XRCC1: variants seen among roughly 807,000 people sequenced by gnomAD.
The protein encoded by XRCC1 is X-ray repair cross complementing 1, also known as DNA repair protein XRCC1.
A neutral mutation model predicts 83.3 loss-of-function variants in XRCC1; 52 were observed. The observed-to-expected ratio is 0.62, with a 90% CI of 0.50 to 0.79. XRCC1 has a LOEUF of 0.79. Ranked by LOEUF, XRCC1 falls within the 30% of genes least tolerant of loss-of-function variation. XRCC1 has a pLI of 0.00. For missense variants in XRCC1, 793 were observed against 823.5 expected (o/e 0.96, Z 0.45); for synonymous variants, 281 against 312.6 (o/e 0.90, Z 1.07).
In XRCC1 at chr19:43,552,182, G is replaced by C. The variant is rs368291115; in HGVS notation, c.917C>G (p.Pro306Arg). ...TGKPRGEGTE[P>R]RRPRAGPEEL... The stretch of plus-strand genomic sequence containing the variant: ...CTCTGGGCCAGCTCGGGGTCGTCTG[G>C]GCTCGGTGCCTTCTCCTCGGGGTTT... Residue 306 changes from proline to arginine, a missense_variant, in exon 9 of 17, where the codon CCC (proline) becomes CGC (arginine). Transcript: ENST00000262887. 1 of 1,614,068 alleles carries C rather than the reference G, an allele frequency of 6.2e-7. No homozygotes were observed. The highest frequency in any genetic ancestry group is 1.1e-5 in the South Asian group (1 of 91,090).
At chr19:43,569,683 G>T (rs570665371) in intron 2 of XRCC1, among the ~76,000 whole-genome samples, 126 of 152,206 alleles carry the variant, frequency 8.3e-4, no homozygotes, top group African/African-American at 3.0e-3. Context: ...TTGGGAGGCT[G>T]AGGCAAGAGA....
At chr19:43,575,343 T>C in intron 1 of XRCC1, 65 bp downstream of exon 1, 1 of 1,501,228 alleles carries the variant, frequency 6.7e-7, no homozygotes, top group Non-Finnish European at 9.0e-7. Context: ...CCCCAAAAGC[T>C]CTTTTAAGAG....
Position 43,546,122 on chromosome 19 carries a change from C to G in XRCC1, c.1427-16G>C, listed in dbSNP as rs1972506848. On this transcript the variant is annotated splice_polypyrimidine_tract_variant and intron_variant, in intron 12 of 16. Transcript: ENST00000262887. The stretch of plus-strand genomic sequence containing the variant: ...TCCTGTCCTTCTGCAAGTAGAAGCT[C>G]AGTCAATGCAAGGCTGCCTTGTCTC... The G allele has an allele frequency of 6.2e-7, 1 of 1,613,854 alleles. No homozygotes were observed.
chr19:43,566,780 G>T (rs1412809325), intron 2 of XRCC1, among the ~76,000 whole-genome samples: 1 of 149,410 alleles, frequency 6.7e-6, no homozygotes, highest in African/African-American at 2.5e-5. Flanking sequence ...TCAGGAGACT[G>T]AGGCACGAGA....
At chr19:43,575,266 T>A (rs966184849) in intron 1 of XRCC1, 142 bp downstream of exon 1, 1 of 1,004,982 alleles carries the variant, frequency 1.0e-6, no homozygotes, top group Non-Finnish European at 1.4e-6. Flanking sequence ...TAATTCAACA[T>A]CTCTCCACAA....
chr19:43,574,665 C>G (rs1028840887), intron 2 of XRCC1: 19 of 482,322 alleles, frequency 3.9e-5, no homozygotes, highest in Non-Finnish European at 6.4e-5. Context: ...GAAACTGGAA[C>G]CCAGAAAGTA....
At chr19:43,562,102 T>C (rs1972704976) in intron 2 of XRCC1, among the ~76,000 whole-genome samples, 1 of 141,502 alleles carries the variant, frequency 7.1e-6, no homozygotes, top group African/African-American at 2.7e-5. Flanking sequence ...GCAGAGATCA[T>C]GCCACTGCAC....
At chr19:43,549,692 G>A (rs970605316) in intron 10 of XRCC1, among the ~76,000 whole-genome samples, 1 of 152,044 alleles carries the variant, frequency 6.6e-6, no homozygotes, top group Admixed American at 6.6e-5. Flanking sequence ...AAGTATCTAC[G>A]ACTACAGGTA....
chr19:43,552,267 G>C lies in XRCC1; in HGVS notation c.832C>G (p.Pro278Ala). 6.2e-7 allele frequency: 1 copy of C among 1,602,402 alleles called. No individual in the cohort carries two copies. Among genetic ancestry groups the C allele is most frequent in the Non-Finnish European group, 8.5e-7 (1 of 1,175,342 alleles). ...SVPKRPKLPA[P>A]TRTPATAPVP... Reference sequence around the variant, plus strand: ...GGGGCTGTGGCTGGGGTACGAGTTGGAGCTGGCACTGGAGAAGACAAAGAG... The same window carrying C: ...GGGGCTGTGGCTGGGGTACGAGTTGCAGCTGGCACTGGAGAAGACAAAGAG... Residue 278 changes from proline to alanine, a missense_variant, in exon 9 of 17, where the codon CCA becomes GCA. Physicochemically the swap from Pro to Ala is conservative, Grantham distance 27. Transcript: ENST00000262887.
At chr19:43,548,779 A>AAAAC (rs1972546335) in intron 10 of XRCC1, among the ~76,000 whole-genome samples, 1 of 141,740 alleles carries the variant, frequency 7.1e-6, no homozygotes, top group South Asian at 2.4e-4. Flanking sequence ...AAAAAAAAAA[A>AAAAC]AAAAAAACAC....
chr19:43,567,614 A>C (rs1436514372), intron 2 of XRCC1, among the ~76,000 whole-genome samples: 1 of 152,006 alleles, frequency 6.6e-6, no homozygotes, highest in Non-Finnish European at 1.5e-5. Flanking sequence ...ATCTGGCTGA[A>C]ATGTGCACTT....
At chr19:43,548,417 G>T (rs1338442466) in intron 10 of XRCC1, among the ~76,000 whole-genome samples, 1 of 152,240 alleles carries the variant, frequency 6.6e-6, no homozygotes, top group Non-Finnish European at 1.5e-5. Flanking sequence ...ACTTCATTTT[G>T]TTCTGTACTA....
At position 43,561,017 on chromosome 19, in the gene XRCC1, C is replaced by G. The variant is rs1972693625; in HGVS notation, c.148G>C (p.Glu50Gln). 4 of 1,613,652 alleles carry G rather than the reference C, an allele frequency of 2.5e-6. No homozygotes were observed. In the South Asian group the frequency reaches 4.4e-5, roughly 18 times the overall value. ...EKTISVVLQL[E>Q]KEEQIHSVDI... ...ACACTGTGTATCTGCTCCTCCTTCTCCAACTGTGGGCAGAGAGAGAGGCCA... is the reference window on the plus strand; with the variant it reads ...ACACTGTGTATCTGCTCCTCCTTCTGCAACTGTGGGCAGAGAGAGAGGCCA... Residue 50 changes from glutamate to glutamine, a missense_variant, in exon 3 of 17, where the codon GAG (glutamate) becomes CAG (glutamine). Coordinates refer to ENST00000262887, the MANE Select transcript of XRCC1 (RefSeq NM_006297.3).
chr19:43,561,744 G>A (rs536983578), intron 2 of XRCC1, among the ~76,000 whole-genome samples: 1 of 152,222 alleles, frequency 6.6e-6, no homozygotes, highest in Non-Finnish European at 1.5e-5. Flanking sequence ...TCTGACAGAT[G>A]AAGATGCAGA....
At chr19:43,551,813 G>A (rs1600047495) in intron 9 of XRCC1, 126 bp from the exon 10 acceptor site, 1 of 1,010,382 alleles carries the variant, frequency 9.9e-7, no homozygotes, top group East Asian at 2.4e-5. Context: ...ATTGAGGTGG[G>A]AGAAACAAAA....
intron 14 of XRCC1, among the ~76,000 whole-genome samples, chr19:43,544,673 A>ATT: frequency 6.6e-6 from 1 of 152,116 alleles, no homozygotes; most frequent in East Asian, 1.9e-4. Flanking sequence ...AGCCAGACTA[A>ATT]TTTTTAAACT....
chr19:43,567,882 T>C (rs1972768891), intron 2 of XRCC1, among the ~76,000 whole-genome samples: 1 of 151,056 alleles, frequency 6.6e-6, no homozygotes, highest in African/African-American at 2.4e-5. Context: ...TTTTCTTTTT[T>C]TTTTTTTTTT....
chr19:43,575,089 A>C, intron 1 of XRCC1, 87 bp from the exon 2 acceptor site: 1 of 1,121,416 alleles, frequency 8.9e-7, no homozygotes, highest in Admixed American at 1.9e-5. Context: ...GAGTCCTCCC[A>C]AGGCCTCTAC....
At chr19:43,561,570 T>C (rs2146061958) in intron 2 of XRCC1, among the ~76,000 whole-genome samples, 1 of 152,326 alleles carries the variant, frequency 6.6e-6, no homozygotes, top group African/African-American at 2.4e-5. Flanking sequence ...GACCACCATA[T>C]CTAGGATCAT....
Sources: gnomAD v4.1 joint callset for allele counts (sites outside exome capture counted in the v4.1 genomes callset) on GRCh38, gnomAD v4.1.1 for gene constraint, MANE v1.5 for transcripts, NCBI Gene and HGNC (gene_info 2026-07-23, HGNC 2026-07-21) for gene names.